Variants in CCDC178 observed in about 807,000 individuals in gnomAD.
The protein encoded by CCDC178 is coiled-coil domain containing 178, also known as coiled-coil domain-containing protein 178.
A neutral mutation model predicts 117.4 loss-of-function variants in CCDC178; 126 were observed. The ratio of observed to expected loss-of-function variants is 1.07; its 90% CI spans 0.93 to 1.24. The LOEUF is 1.24. Ranked by LOEUF, CCDC178 falls within the 50% of genes most tolerant of loss-of-function variation. The pLI, the probability that CCDC178 is intolerant of heterozygous loss-of-function variation, is 0.00. For synonymous variants in CCDC178, 283 were observed against 313.4 expected, an observed-to-expected ratio of 0.90 and a Z score of 1.02; for missense variants, 1,030 against 986.9, an observed-to-expected ratio of 1.04 and a Z score of -0.59.
chr18:33,141,034 C>T (rs950243404), intron 20 of CCDC178, among the ~76,000 whole-genome samples: 4 of 152,146 alleles, frequency 2.6e-5, no homozygotes, highest in Non-Finnish European at 5.9e-5. Context: ...TCTCTCTTTG[C>T]CTGTTGCCAT....
chr18:32,970,169 C>T (rs779318024), intron 22 of CCDC178, among the ~76,000 whole-genome samples: 67 of 151,782 alleles, frequency 4.4e-4, no homozygotes, highest in Non-Finnish European at 8.2e-4. Context: ...ATTCTTTGTT[C>T]CAGTTATAAC....
chr18:32,949,733 G>T (rs180672199), intron 22 of CCDC178, among the ~76,000 whole-genome samples: 1 of 152,172 alleles, frequency 6.6e-6, no homozygotes, highest in Admixed American at 6.5e-5. Context: ...CTAATTGGTT[G>T]TACTTTTCTG....
intron 20 of CCDC178, among the ~76,000 whole-genome samples, chr18:33,122,740 C>A (rs373846460): frequency 6.6e-6 from 1 of 152,112 alleles, no homozygotes; most frequent in East Asian, 1.9e-4. Context: ...TGAGAGGACC[C>A]ACTCTAAGTA....
At chr18:33,382,229 A>G (rs1353083299) in intron 5 of CCDC178, among the ~76,000 whole-genome samples, 1 of 152,220 alleles carries the variant, frequency 6.6e-6, no homozygotes, top group Non-Finnish European at 1.5e-5. Flanking sequence ...CTAAAAAGAA[A>G]TAAGTATGAA....
At chr18:33,389,996 A>G (rs1168997625) in intron 4 of CCDC178, among the ~76,000 whole-genome samples, 1 of 143,796 alleles carries the variant, frequency 7.0e-6, no homozygotes, top group Non-Finnish European at 1.5e-5. Flanking sequence ...GTGTATGTGT[A>G]TATATATATA....
intron 17 of CCDC178, among the ~76,000 whole-genome samples, chr18:33,224,438 A>G (rs958637214): frequency 6.6e-6 from 1 of 152,220 alleles, no homozygotes; most frequent in Non-Finnish European, 1.5e-5. Context: ...CTTACATTTT[A>G]TATGCAAATG....
intron 20 of CCDC178, among the ~76,000 whole-genome samples, chr18:33,186,703 G>T (rs954514988): frequency 1.3e-5 from 2 of 151,960 alleles, no homozygotes; most frequent in African/African-American, 2.4e-5. Context: ...ATTGCCCAGA[G>T]ACCAAGATTT....
intron 11 of CCDC178, among the ~76,000 whole-genome samples, chr18:33,320,147 C>A (rs550585943): frequency 1.3e-5 from 2 of 152,040 alleles, no homozygotes; most frequent in South Asian, 2.1e-4. Flanking sequence ...TACTGAATGG[C>A]CAAAAACTGG....
intron 12 of CCDC178, among the ~76,000 whole-genome samples, chr18:33,270,551 T>C (rs1250177261): frequency 6.6e-6 from 1 of 151,570 alleles, no homozygotes; most frequent in African/African-American, 2.4e-5. Flanking sequence ...AGACAATTTT[T>C]CAGTCAAAAC....
chr18:33,288,375 C>A (rs1185195058), intron 12 of CCDC178, among the ~76,000 whole-genome samples: 1 of 111,412 alleles, frequency 9.0e-6, no homozygotes, highest in African/African-American at 3.6e-5. Context: ...TTCTGCTCTC[C>A]TCCCCTCCTC....
chr18:32,984,572 G>C (rs1360232278), intron 21 of CCDC178, among the ~76,000 whole-genome samples: 1 of 149,182 alleles, frequency 6.7e-6, no homozygotes, highest in Non-Finnish European at 1.5e-5. Context: ...TTTTGCTTAA[G>C]TTGCTAAAAT....
At chr18:33,315,993 C>T (rs1708201713) in intron 11 of CCDC178, among the ~76,000 whole-genome samples, 1 of 152,356 alleles carries the variant, frequency 6.6e-6, no homozygotes, top group African/African-American at 2.4e-5. Flanking sequence ...TGGACACGTT[C>T]CTCCTCTTAC....
intron 5 of CCDC178, among the ~76,000 whole-genome samples, chr18:33,383,290 T>C (rs1349054627): frequency 6.6e-6 from 1 of 152,114 alleles, no homozygotes; most frequent in East Asian, 1.9e-4. Flanking sequence ...ACTTAATATT[T>C]CCTTCCTGGC....
intron 5 of CCDC178, among the ~76,000 whole-genome samples, chr18:33,370,610 AAAT>A (rs924705692): frequency 5.9e-5 from 9 of 152,124 alleles, no homozygotes; most frequent in African/African-American, 2.2e-4. Flanking sequence ...CTTTCAATGT[AAAT>A]AATATCCAAC....
At chr18:33,260,161 G>A (rs1320510433) in intron 14 of CCDC178, among the ~76,000 whole-genome samples, 6 of 151,988 alleles carry the variant, frequency 3.9e-5, no homozygotes, top group African/African-American at 1.4e-4. Flanking sequence ...CATTTTGCCT[G>A]CTTCTGAACA....
intron 21 of CCDC178, among the ~76,000 whole-genome samples, chr18:33,036,553 T>C (rs1470426960): frequency 1.3e-5 from 2 of 151,388 alleles, no homozygotes; most frequent in Non-Finnish European, 2.9e-5. Context: ...TGACTAGGAG[T>C]ATAGAAATCT....
chr18:33,069,494 T>C (rs1333217351), intron 21 of CCDC178, among the ~76,000 whole-genome samples: 1 of 152,084 alleles, frequency 6.6e-6, no homozygotes, highest in African/African-American at 2.4e-5. Context: ...TTAAACTATA[T>C]TTCTGGCTCT....
chr18:33,412,730 T>C (rs2063875369), intron 2 of CCDC178, among the ~76,000 whole-genome samples: 1 of 152,206 alleles, frequency 6.6e-6, no homozygotes, highest in East Asian at 1.9e-4. Context: ...ACCAATAATG[T>C]AATTAACACA....
At chr18:32,977,674 G>A (rs1219195948) in intron 21 of CCDC178, among the ~76,000 whole-genome samples, 1 of 152,062 alleles carries the variant, frequency 6.6e-6, no homozygotes, top group Non-Finnish European at 1.5e-5. Context: ...CTTACTGAGT[G>A]GAATCAGATA....
Sources: allele counts gnomAD v4.1 joint callset (sites outside exome capture counted in the v4.1 genomes callset), GRCh38; gene constraint gnomAD v4.1.1; transcripts MANE v1.5; gene names NCBI Gene and HGNC (gene_info 2026-07-23, HGNC 2026-07-21).